The following GRIN3A variants were observed in gnomAD, a reference collection of about 807,000 sequenced individuals.
GRIN3A encodes glutamate receptor ionotropic, NMDA 3A.
In GRIN3A, 47 loss-of-function variants were observed where a neutral mutation model predicts 92.4. The observed-to-expected ratio is 0.51, with a 90% CI of 0.40 to 0.65. The LOEUF (loss-of-function observed/expected upper bound fraction) is 0.65. Ranked by LOEUF, GRIN3A falls within the 30% of genes least tolerant of loss-of-function variation. GRIN3A has a pLI of 0.00. For synonymous variants in GRIN3A, 527 were observed against 540.6 expected (o/e 0.97, Z 0.35); for missense variants, 1,324 against 1,393.1 (o/e 0.95, Z 0.79).
chr9:101,650,995 G>T (rs7864032), intron 3 of GRIN3A, among the ~76,000 whole-genome samples: 20,193 of 151,880 alleles, frequency 0.13, 1,950 homozygotes, highest in African/African-American at 0.28. Flanking sequence ...TCGTGAGTCA[G>T]GATGTAGTAT....
chr9:101,666,748 C>T (rs903264875), intron 3 of GRIN3A, among the ~76,000 whole-genome samples: 2 of 152,066 alleles, frequency 1.3e-5, no homozygotes, highest in Admixed American at 6.6e-5. Flanking sequence ...TCTTCTCAGA[C>T]ACTCAGGCCT....
Position 101,570,176 on chromosome 9 carries a change from A to G in GRIN3A, c.*2998T>C, listed in dbSNP as rs1018897696. On this transcript the variant is annotated 3_prime_UTR_variant, in exon 9 of 9. Transcript: ENST00000361820. Reference sequence around the variant, plus strand: ...ACACTCTGGGGCCTTGATTATTCTTATTTACACGAACCAGGTAGCTATATC... The same window carrying G: ...ACACTCTGGGGCCTTGATTATTCTTGTTTACACGAACCAGGTAGCTATATC... 2.6e-5 allele frequency: 4 copies of G among 152,006 alleles called. No individual in the cohort carries two copies. The highest frequency in any genetic ancestry group is 5.9e-5 in the Non-Finnish European group (4 of 67,998). 9.4% of individuals were successfully genotyped at this position (152,006 alleles called of 1,614,324 possible).
chr9:101,616,591 T>C (rs1216420045), intron 5 of GRIN3A, among the ~76,000 whole-genome samples: 1 of 151,904 alleles, frequency 6.6e-6, no homozygotes, highest in African/African-American at 2.4e-5. Context: ...TCATCTCTTT[T>C]ATTGGTTATA....
At chr9:101,724,637 G>A (rs1830062721) in intron 1 of GRIN3A, among the ~76,000 whole-genome samples, 1 of 152,234 alleles carries the variant, frequency 6.6e-6, no homozygotes, top group African/African-American at 2.4e-5. Flanking sequence ...GAGCGAGCGA[G>A]CGAGGGCTGT....
rs1256256160 is a variant in GRIN3A, at chr9:101,687,152, C to T, written c.748G>A (p.Ala250Thr). Residue 250 changes from alanine (A) to threonine (T), a missense_variant, in exon 2 of 9, where the codon GCT becomes ACT. Ala to Thr is a moderately conservative substitution (Grantham distance 58). Coordinates refer to ENST00000361820, the MANE Select transcript of GRIN3A (RefSeq NM_133445.3). ...LSLENSLSSD[A>T]DVTVSILTMN... is the part of the protein sequence containing the mutation. Reference sequence around the variant, plus strand: ...GTCAGGATTGAGACAGTGACATCAGCATCAGAACTTAATGAATTTTCTAAA... The same window carrying T: ...GTCAGGATTGAGACAGTGACATCAGTATCAGAACTTAATGAATTTTCTAAA... 6.2e-7 allele frequency: 1 copy of T among 1,613,588 alleles called. No homozygotes were observed. The highest frequency in any genetic ancestry group is 1.3e-5 in the African/African-American group (1 of 74,872).
chr9:101,605,547 G>A (rs944578745), intron 6 of GRIN3A, among the ~76,000 whole-genome samples: 7 of 152,070 alleles, frequency 4.6e-5, no homozygotes, highest in Non-Finnish European at 8.8e-5. Context: ...CACTCCATCC[G>A]TGCCCTATGG....
chr9:101,737,228 G>T, intron 1 of GRIN3A, 53 bp downstream of exon 1: 1 of 1,480,108 alleles, frequency 6.8e-7, no homozygotes, highest in South Asian at 1.1e-5. Flanking sequence ...TCATGCAATG[G>T]CCCCGGCCCC....
At chr9:101,626,115 T>C (rs964674631) in intron 4 of GRIN3A, among the ~76,000 whole-genome samples, 1 of 152,206 alleles carries the variant, frequency 6.6e-6, no homozygotes, top group African/African-American at 2.4e-5. Context: ...AAGTAGCTTC[T>C]AGATTGGCTG....
intron 3 of GRIN3A, among the ~76,000 whole-genome samples, chr9:101,647,589 G>A (rs1336903763): frequency 6.6e-6 from 1 of 151,826 alleles, no homozygotes; most frequent in African/African-American, 2.4e-5. Flanking sequence ...TTCTTTTAAA[G>A]TTTGGTTGAA....
chr9:101,686,411 T>TAGATCAA (rs1829533683), intron 2 of GRIN3A, among the ~76,000 whole-genome samples, 185 bp downstream of exon 2: 2 of 152,184 alleles, frequency 1.3e-5, no homozygotes, highest in Non-Finnish European at 2.9e-5. Context: ...CTTACAAGTT[T>TAGATCAA]ATAGATCAAA....
At chr9:101,693,450 C>T (rs986462089) in intron 1 of GRIN3A, among the ~76,000 whole-genome samples, 3 of 151,924 alleles carry the variant, frequency 2.0e-5, no homozygotes, top group African/African-American at 7.3e-5. Flanking sequence ...GAATTCAAAA[C>T]CACAATTTGT....
chr9:101,667,067 T>C (rs1310647156), intron 3 of GRIN3A, among the ~76,000 whole-genome samples: 1 of 152,012 alleles, frequency 6.6e-6, no homozygotes. Flanking sequence ...CAATTAAGCT[T>C]ACTTTTTCCA....
At chr9:101,666,081 A>G (rs1436196703) in intron 3 of GRIN3A, among the ~76,000 whole-genome samples, 1 of 151,806 alleles carries the variant, frequency 6.6e-6, no homozygotes, top group Non-Finnish European at 1.5e-5. Context: ...TTTCCTCTTC[A>G]TCTTTCACCT....
intron 4 of GRIN3A, among the ~76,000 whole-genome samples, chr9:101,623,653 G>T (rs180767325): frequency 1.1e-4 from 17 of 152,320 alleles, no homozygotes; most frequent in Admixed American, 7.8e-4. Flanking sequence ...TCTTTCCAAT[G>T]AGTTTATCTA....
At chr9:101,638,643 G>A (rs1051164078) in intron 3 of GRIN3A, among the ~76,000 whole-genome samples, 1 of 152,234 alleles carries the variant, frequency 6.6e-6, no homozygotes, top group African/African-American at 2.4e-5. Flanking sequence ...AGCTCACCAT[G>A]TGCCAGGCAC....
rs533807828 is a variant in GRIN3A, at chr9:101,595,570, A to G, written c.2767-16210T>C. Among the ~76,000 whole-genome samples the G allele has an allele frequency of 2.6e-5, 4 of 152,278 alleles. No homozygotes were observed. The South Asian group carries it at 8.3e-4, about 32-fold the overall frequency. On this transcript the variant is annotated intron_variant, in intron 6 of 8. Transcript: ENST00000361820. ...CGATTCCCTGGGAGGGGAAGCCGGG[A>G]TTGACATCCTTCTGTACCTTTTTCA...
chr9:101,700,623 A>G (rs919886387), intron 1 of GRIN3A, among the ~76,000 whole-genome samples: 5 of 152,212 alleles, frequency 3.3e-5, no homozygotes, highest in African/African-American at 1.2e-4. Context: ...TACAATTATT[A>G]TGAATTATTC....
Position 101,659,525 on chromosome 9 carries a change from C to T in GRIN3A, c.2352+10535G>A, listed in dbSNP as rs10124426. Among the ~76,000 whole-genome samples the T allele has an allele frequency of 1.1e-4, 6 of 54,116 alleles. 3 individuals carry two copies. The highest frequency in any genetic ancestry group is 2.0e-4 in the Non-Finnish European group (4 of 20,040). 35.5% of individuals were successfully genotyped at this position (54,116 alleles called of 152,430 possible). On this transcript the variant is annotated intron_variant, in intron 3 of 8. Transcript: ENST00000361820. ...GAAAGTATCTATGTATTTATTTATA[C>T]ATAGAAAGTATCTATGTATTTATTT...
rs1219949336 is a variant in GRIN3A at position 101,644,205 on chromosome 9, C to T, written c.2353-15804G>A. On this transcript the variant is annotated intron_variant, in intron 3 of 8. Coordinates refer to ENST00000361820, the MANE Select transcript of GRIN3A (RefSeq NM_133445.3). ...TTTGTTTACTTATTAAACTCCAAAT[C>T]AACTCTTCATTTTTCTTTTCATCAT... Among the ~76,000 whole-genome samples the T allele has an allele frequency of 2.0e-5, 3 of 151,756 alleles. No homozygotes were observed. In the East Asian group the frequency reaches 5.8e-4, roughly 29 times the overall value.
Sources: allele counts gnomAD v4.1 joint callset (sites outside exome capture counted in the v4.1 genomes callset), GRCh38; gene constraint gnomAD v4.1.1; transcripts MANE v1.5; gene names NCBI Gene and HGNC (gene_info 2026-07-23, HGNC 2026-07-21).